Variants in VWA8 observed in about 807,000 individuals in gnomAD.
VWA8 encodes von Willebrand factor A domain containing 8, also known as von Willebrand factor A domain-containing protein 8.
Under a neutral mutation model 241.5 loss-of-function variants are expected in VWA8, and 221 were observed. The ratio of observed to expected loss-of-function variants is 0.91; its 90% confidence interval spans 0.82 to 1.02. The LOEUF (loss-of-function observed/expected upper bound fraction) is 1.02. Ranked by LOEUF, VWA8 falls within the 50% of genes least tolerant of loss-of-function variation. VWA8 has a pLI of 0.00. For missense variants in VWA8, 2,322 were observed against 2,328.7 expected, an observed-to-expected ratio of 1.00 and a Z score of 0.06; for synonymous variants, 852 against 827.1, an observed-to-expected ratio of 1.03 and a Z score of -0.52.
At chr13:41,592,085 G>C (rs1281765809) in intron 40 of VWA8, among the ~76,000 whole-genome samples, 2,332 of 150,956 alleles carry the variant, frequency 0.015, 66 homozygotes, top group African/African-American at 0.054. Context: ...AGCAACGATA[G>C]ACTGGATTAA....
intron 9 of VWA8, among the ~76,000 whole-genome samples, chr13:41,876,442 G>C (rs1488758218): frequency 6.6e-6 from 1 of 151,974 alleles, no homozygotes; most frequent in Non-Finnish European, 1.5e-5. Flanking sequence ...GTGTGCTCCT[G>C]CCTCAGCGTT....
At chr13:41,933,610 A>G (rs1424355743) in intron 2 of VWA8, among the ~76,000 whole-genome samples, 1 of 152,084 alleles carries the variant, frequency 6.6e-6, no homozygotes, top group African/African-American at 2.4e-5. Flanking sequence ...ATGTCAAGAC[A>G]GAAAAATAGA....
chr13:41,773,402 TGAA>T (rs1485340876), intron 20 of VWA8, among the ~76,000 whole-genome samples: 2 of 152,208 alleles, frequency 1.3e-5, no homozygotes, highest in Non-Finnish European at 2.9e-5. Context: ...TTAAAACTAC[TGAA>T]GAAGGACCTG....
chr13:41,609,893 C>T (rs1397877520), intron 39 of VWA8, among the ~76,000 whole-genome samples: 3 of 152,138 alleles, frequency 2.0e-5, no homozygotes, highest in Non-Finnish European at 4.4e-5. Context: ...CTCTTACATC[C>T]GCTAAATTCA....
At chr13:41,604,642 T>G (rs1307107422) in intron 40 of VWA8, among the ~76,000 whole-genome samples, 4 of 151,784 alleles carry the variant, frequency 2.6e-5, no homozygotes, top group Non-Finnish European at 4.4e-5. Context: ...GATTCCAGAG[T>G]AGAATGGAGA....
intron 37 of VWA8, among the ~76,000 whole-genome samples, chr13:41,651,845 A>T (rs1208874281): frequency 1.3e-5 from 2 of 152,238 alleles, no homozygotes; most frequent in African/African-American, 2.4e-5. Context: ...AACACAGGAA[A>T]GCCTGGAAGA....
At chr13:41,818,391 G>A (rs1182061984) in intron 15 of VWA8, among the ~76,000 whole-genome samples, 3 of 150,776 alleles carry the variant, frequency 2.0e-5, no homozygotes, top group Non-Finnish European at 4.4e-5. Flanking sequence ...GGCCAACATG[G>A]TGAAACCCCG....
chr13:41,798,263 T>C (rs1869793481), intron 17 of VWA8, among the ~76,000 whole-genome samples: 1 of 152,220 alleles, frequency 6.6e-6, no homozygotes, highest in Non-Finnish European at 1.5e-5. Context: ...ACAATATATT[T>C]GCCTATTTCC....
At chr13:41,612,114 C>T (rs559771981) in intron 38 of VWA8, among the ~76,000 whole-genome samples, 1 of 152,306 alleles carries the variant, frequency 6.6e-6, no homozygotes, top group African/African-American at 2.4e-5. Flanking sequence ...GTTTGAATAT[C>T]ATAGATACTT....
chr13:41,699,065 C>T lies in VWA8; in HGVS notation c.3564+6G>A. ...CCTCACATAATTGTAGCCTGGTGTG[C>T]ATTACCTGCTGCTCATGGAGAACCA... On this transcript the variant is annotated splice_donor_region_variant and intron_variant, in intron 29 of 44. Transcript: ENST00000379310. 1 of 1,613,856 alleles carries T rather than the reference C, an allele frequency of 6.2e-7. No individual in the cohort carries two copies. The highest frequency in any genetic ancestry group is 8.5e-7 in the Non-Finnish European group (1 of 1,179,802).
intron 4 of VWA8, among the ~76,000 whole-genome samples, chr13:41,892,756 A>G (rs6561019): frequency 0.23 from 34,480 of 152,044 alleles, 3,987 homozygotes; most frequent in East Asian, 0.29. Flanking sequence ...TTTATTTTCT[A>G]TCTGGGGTGT....
intron 12 of VWA8, among the ~76,000 whole-genome samples, chr13:41,836,424 T>C (rs1012727014): frequency 2.6e-5 from 4 of 152,146 alleles, no homozygotes; most frequent in South Asian, 4.1e-4. Flanking sequence ...AGTCTTTTGC[T>C]TGGGCCCAGG....
intron 1 of VWA8, among the ~76,000 whole-genome samples, chr13:41,959,818 C>A (rs1353829846): frequency 1.3e-5 from 2 of 151,828 alleles, no homozygotes; most frequent in East Asian, 3.9e-4. Context: ...CCGTGTTAGC[C>A]AGGATGGTCT....
rs544610495 is a variant in VWA8, at chr13:41,779,931, C to T, written c.2278-1875G>A. On this transcript the variant is annotated intron_variant, in intron 19 of 44. Coordinates refer to ENST00000379310, the MANE Select transcript of VWA8 (RefSeq NM_015058.2). Reference sequence around the variant, plus strand: ...CTAAAGTCACCGCCAATACAATTCTCTTCTTAGCCTCTTGACCACTTAGTA... The same window carrying T: ...CTAAAGTCACCGCCAATACAATTCTTTTCTTAGCCTCTTGACCACTTAGTA... Among the ~76,000 whole-genome samples the T allele has an allele frequency of 2.5e-4, 38 of 152,308 alleles. No individual in the cohort carries two copies. In the South Asian group the frequency reaches 7.0e-3, roughly 28 times the overall value.
intron 37 of VWA8, among the ~76,000 whole-genome samples, chr13:41,658,478 A>G (rs2044924743): frequency 1.3e-5 from 2 of 152,188 alleles, no homozygotes; most frequent in Admixed American, 6.5e-5. Flanking sequence ...TCCCGTTTCA[A>G]TTTCTGACTG....
intron 12 of VWA8, among the ~76,000 whole-genome samples, chr13:41,837,035 T>TGATAGATAGATAGATAGATA (rs67765155): frequency 1.3e-4 from 19 of 148,692 alleles, no homozygotes; most frequent in East Asian, 4.0e-4. Context: ...TGCAGATAGA[T>TGATAGATAGATAGATAGATA]GATAGATAGA....
In VWA8 at chr13:41,811,739, G is replaced by A. The variant is rs143946018; in HGVS notation, c.1948-399C>T. On this transcript the variant is annotated intron_variant, in intron 16 of 44. Coordinates refer to ENST00000379310, the MANE Select transcript of VWA8 (RefSeq NM_015058.2). ...AATGTTTAAAGCTTTAAGCAAATCG[G>A]TGGTTTCTAAAATAGCCAAAAAGAG... Among the ~76,000 whole-genome samples, 136 of 152,258 alleles carry A rather than the reference G, an allele frequency of 8.9e-4. 1 individual carries two copies. The highest frequency in any genetic ancestry group is 3.2e-3 in the African/African-American group (133 of 41,546).
At chr13:41,763,891 T>C (rs1338133413) in intron 20 of VWA8, among the ~76,000 whole-genome samples, 1 of 152,182 alleles carries the variant, frequency 6.6e-6, no homozygotes, top group Non-Finnish European at 1.5e-5. Flanking sequence ...GTTTGAGATG[T>C]GGAGTCCCAG....
chr13:41,828,504 C>G (rs559032028), intron 14 of VWA8, among the ~76,000 whole-genome samples: 31 of 152,054 alleles, frequency 2.0e-4, no homozygotes, highest in Non-Finnish European at 3.7e-4. Context: ...TTCCTTCAAA[C>G]TTTTTGTTTT....
Sources: gnomAD v4.1 joint callset for allele counts (sites outside exome capture counted in the v4.1 genomes callset) on GRCh38, gnomAD v4.1.1 for gene constraint, MANE v1.5 for transcripts, NCBI Gene and HGNC (gene_info 2026-07-23, HGNC 2026-07-21) for gene names.